IGSF5: variants seen among roughly 807,000 people sequenced by gnomAD.
IGSF5 encodes immunoglobulin superfamily 5 like.
In IGSF5, 41 loss-of-function variants were observed where a neutral mutation model predicts 39.4. That is an observed-to-expected ratio of 1.04 (90% CI 0.81 to 1.35). The LOEUF (loss-of-function observed/expected upper bound fraction) is 1.35, where lower values mean the gene tolerates loss of function less well. IGSF5 is among the 40% of genes most tolerant of loss of function. IGSF5 has a pLI of 0.00. For synonymous variants in IGSF5, 183 were observed against 175.3 expected, an observed-to-expected ratio of 1.04 and a Z score of -0.34; for missense variants, 487 against 494.6, an observed-to-expected ratio of 0.98 and a Z score of 0.15.
chr21:39,745,614 CA>C (rs1457101962), intron 1 of IGSF5, 88 bp downstream of exon 1: 11 of 693,396 alleles, frequency 1.6e-5, no homozygotes, highest in Non-Finnish European at 2.9e-5. Flanking sequence ...GTTGGGACGA[CA>C]GCTTTCTGCC....
At chr21:39,737,386 T>A in the IGSF5 span, among the ~76,000 whole-genome samples, 3 of 152,106 alleles carry the variant, frequency 2.0e-5, no homozygotes, top group Non-Finnish European at 4.4e-5. Context: ...TGACATTTTC[T>A]ACTTGGAGAC....
the IGSF5 span, among the ~76,000 whole-genome samples, chr21:39,714,397 A>AAGTTTTT: frequency 2.0e-5 from 3 of 152,216 alleles, no homozygotes; most frequent in East Asian, 5.8e-4. Flanking sequence ...AGGCAAACAT[A>AAGTTTTT]AGTTTTTGCT....
intron 6 of IGSF5, among the ~76,000 whole-genome samples, chr21:39,789,758 A>G (rs1360339835): frequency 6.6e-6 from 1 of 152,212 alleles, no homozygotes; most frequent in Non-Finnish European, 1.5e-5. Context: ...CTATGTATGT[A>G]CCTATGTACT....
At chr21:39,752,119 C>T (rs2080008596) in intron 2 of IGSF5, among the ~76,000 whole-genome samples, 1 of 152,120 alleles carries the variant, frequency 6.6e-6, no homozygotes, top group South Asian at 2.1e-4. Flanking sequence ...GCACCTGTCA[C>T]CCGAGCAGTG....
At position 39,771,072 on chromosome 21, in the gene IGSF5, A is replaced by C. The variant is rs776680820; in HGVS notation, c.575A>C (p.Glu192Ala). ...CATTCAAGCTATTATTTTGTTCCGG[A>C]GCCCAGCGACCTTCAAAGTGCAGTG... ...VSHSSYYFVP[E>A]PSDLQSAVSI... Residue 192 changes from glutamate (E) to alanine (A), a missense_variant, in exon 4 of 9, where the codon GAG becomes GCG. Transcript: ENST00000380588. The C allele has an allele frequency of 4.0e-5, 65 of 1,613,706 alleles. No individual in the cohort carries two copies. In the East Asian group the frequency reaches 1.2e-3, roughly 29 times the overall value.
chr21:39,780,783 G>A (rs1209687669), intron 5 of IGSF5, among the ~76,000 whole-genome samples: 3 of 152,176 alleles, frequency 2.0e-5, no homozygotes, highest in Non-Finnish European at 4.4e-5. Flanking sequence ...GGCAGTTTGT[G>A]GCTTCAGAAG....
At position 39,761,745 on chromosome 21, in the gene IGSF5, G is replaced by A. The variant is rs767495571; in HGVS notation, c.101-3790G>A. Among the ~76,000 whole-genome samples the A allele has an allele frequency of 3.7e-4, 57 of 152,102 alleles. 1 individual carries two copies. Among genetic ancestry groups the A allele is most frequent in the Non-Finnish European group, 2.6e-4 (18 of 68,026 alleles). Reference sequence around the variant, plus strand: ...GTTTAGTGGTGTAGTCATAGCTTGCGGCAGACTCAACTTCCTGGCCTTAAG... The same window carrying A: ...GTTTAGTGGTGTAGTCATAGCTTGCAGCAGACTCAACTTCCTGGCCTTAAG... On this transcript the variant is annotated intron_variant, in intron 2 of 8. Transcript: ENST00000380588.
At chr21:39,721,756 A>G in the IGSF5 span, among the ~76,000 whole-genome samples, 2 of 142,592 alleles carry the variant, frequency 1.4e-5, no homozygotes, top group Non-Finnish European at 3.1e-5. Context: ...TTTTCCATTT[A>G]TCCTTTCTTC....
intron 2 of IGSF5, among the ~76,000 whole-genome samples, chr21:39,764,391 A>G (rs1473703930): frequency 1.3e-5 from 2 of 152,140 alleles, no homozygotes; most frequent in Non-Finnish European, 2.9e-5. Context: ...CCCAGGCTCT[A>G]GTGCGGTGGC....
intron 4 of IGSF5, among the ~76,000 whole-genome samples, chr21:39,774,024 G>C (rs2080127786): frequency 6.6e-6 from 1 of 152,226 alleles, no homozygotes; most frequent in Admixed American, 6.5e-5. Context: ...TCCAGAACTA[G>C]TGCCTTAACG....
the IGSF5 span, among the ~76,000 whole-genome samples, chr21:39,728,814 G>A: frequency 6.6e-6 from 1 of 151,852 alleles, no homozygotes; most frequent in Non-Finnish European, 1.5e-5. Flanking sequence ...TTTTCTGACC[G>A]CCTATTATGT....
rs145938142 is a variant in IGSF5, at chr21:39,753,352, G to A, written c.100+7054G>A. On this transcript the variant is annotated intron_variant, in intron 2 of 8. Transcript: ENST00000380588. ...TCTCTATTTTGTTCCATTAGTCTAT[G>A]TGCCTATTTTTATACCAGTACCAAG... Among the ~76,000 whole-genome samples, 941 of 152,226 alleles carry A rather than the reference G, an allele frequency of 6.2e-3. 10 individuals carry two copies. The highest frequency in any genetic ancestry group is 0.021 in the African/African-American group (877 of 41,544).
At chr21:39,738,699 A>T in the IGSF5 span, among the ~76,000 whole-genome samples, 1 of 151,892 alleles carries the variant, frequency 6.6e-6, no homozygotes, top group Non-Finnish European at 1.5e-5. This position sits in a 1 kb window ranked among gnomAD's most constrained non-coding sequence, Gnocchi z 6.4. Flanking sequence ...ACACTGGGCG[A>T]GTAGACACAC....
chr21:39,758,118 C>T (rs1197553478), intron 2 of IGSF5, among the ~76,000 whole-genome samples: 1 of 152,128 alleles, frequency 6.6e-6, no homozygotes, highest in South Asian at 2.1e-4. Context: ...TGCTGGTCGT[C>T]CTGGCACGTA....
At chr21:39,787,874 T>A (rs530304111) in intron 5 of IGSF5, among the ~76,000 whole-genome samples, 1 of 152,270 alleles carries the variant, frequency 6.6e-6, no homozygotes, top group Non-Finnish European at 1.5e-5. Context: ...AATTCAATAG[T>A]CACAAAGTAA....
At chr21:39,712,534 C>T in the IGSF5 span, among the ~76,000 whole-genome samples, 2 of 152,026 alleles carry the variant, frequency 1.3e-5, no homozygotes, top group African/African-American at 4.8e-5. Context: ...ACTGGGGGCT[C>T]AGGGTTGTTC....
upstream of IGSF5, among the ~76,000 whole-genome samples, chr21:39,741,411 C>G (rs559936016): frequency 1.2e-4 from 19 of 152,306 alleles, no homozygotes; most frequent in Non-Finnish European, 2.4e-4. Flanking sequence ...ACTGAGGGCC[C>G]TGGTGACTTT....
chr21:39,749,528 A>T (rs1275642531), intron 2 of IGSF5, among the ~76,000 whole-genome samples: 1 of 152,236 alleles, frequency 6.6e-6, no homozygotes, highest in African/African-American at 2.4e-5. Context: ...CAATCAATTT[A>T]GAAAGCTTAT....
intron 4 of IGSF5, among the ~76,000 whole-genome samples, chr21:39,772,071 A>T (rs910776251): frequency 2.6e-5 from 4 of 152,214 alleles, no homozygotes; most frequent in Non-Finnish European, 5.9e-5. Flanking sequence ...AGCCATAGCC[A>T]AAGCCAAATA....
Sources: gnomAD v4.1 joint callset for allele counts (sites outside exome capture counted in the v4.1 genomes callset) on GRCh38, gnomAD v4.1.1 for gene constraint, Gnocchi (gnomAD v3.1) non-coding constraint, MANE v1.5 for transcripts, NCBI Gene and HGNC (gene_info 2026-07-23, HGNC 2026-07-21) for gene names.